Variants in NUP88 observed in about 807,000 individuals in gnomAD.
The protein encoded by NUP88 is nucleoporin 88, also known as nuclear pore complex protein Nup88.
A neutral mutation model predicts 93.9 loss-of-function variants in NUP88; 57 were observed. The ratio of observed to expected loss-of-function variants is 0.61; its 90% CI spans 0.49 to 0.76. NUP88 has a LOEUF of 0.76. NUP88 is among the 30% of genes least tolerant of loss of function. The probability of loss-of-function intolerance (pLI) is 0.00; values close to 1 mark genes in which losing one functional copy is unlikely to be tolerated. For missense variants in NUP88, 911 were observed against 901.0 expected (o/e 1.01, Z -0.14); for synonymous variants, 346 against 336.8 (o/e 1.03, Z -0.30).
rs72839504 is a variant in NUP88, at chr17:5,407,794, T to G, written c.857+939A>C. Among the ~76,000 whole-genome samples, 91 of 152,340 alleles carry G rather than the reference T, an allele frequency of 6.0e-4. 1 individual carries two copies. Among genetic ancestry groups the G allele is most frequent in the Non-Finnish European group, 1.0e-3 (68 of 68,014 alleles). ...CCCTTATCCAAACAGTAACTAAGTCTTATTTATCCTTCCTTTGTTGTTATC... is the reference window on the plus strand; with the variant it reads ...CCCTTATCCAAACAGTAACTAAGTCGTATTTATCCTTCCTTTGTTGTTATC... On this transcript the variant is annotated intron_variant, in intron 5 of 16. Transcript: ENST00000573584.
chr17:5,390,808 A>G (rs1321990342), intron 10 of NUP88, among the ~76,000 whole-genome samples: 2 of 152,028 alleles, frequency 1.3e-5, no homozygotes, highest in Admixed American at 6.6e-5. Flanking sequence ...GGCTTAAGCA[A>G]TCCTCTCACC....
intron 8 of NUP88, among the ~76,000 whole-genome samples, chr17:5,397,994 CCTCCCAGGT>C: frequency 6.6e-6 from 1 of 150,852 alleles, no homozygotes; most frequent in South Asian, 2.1e-4. Context: ...GCAGTCTCTA[CCTCCCAGGT>C]TCAAGCGATT....
chr17:5,390,563 G>A (rs1912350536), intron 10 of NUP88, among the ~76,000 whole-genome samples: 1 of 152,156 alleles, frequency 6.6e-6, no homozygotes, highest in Admixed American at 6.5e-5. Context: ...TGAAGCTCCA[G>A]TGACTTTTGT....
chr17:5,387,859 C>G lies in NUP88; in HGVS notation c.1689G>C (p.Gln563His), dbSNP rs780708577. ...DIAPPPEECL[Q>H]LLSRATQVFR... ...ACACCTGGGTGGCTCTGCTGAGGAG[C>G]TGAAGGCATTCTTCAGGAGGAGGGG... The change falls in exon 12 of 17, where the codon CAG becomes CAC. Residue 563 changes from glutamine (Q) to histidine (H), a missense_variant. Gln to His is a conservative substitution (Grantham distance 24). Transcript: ENST00000573584. 2 of 1,613,984 alleles carry G rather than the reference C, an allele frequency of 1.2e-6. No individual in the cohort carries two copies. The highest frequency in any genetic ancestry group is 2.2e-5 in the South Asian group (2 of 91,056).
At chr17:5,408,959 G>T in intron 4 of NUP88, 50 bp from the exon 5 acceptor site, 1 of 1,445,546 alleles carries the variant, frequency 6.9e-7, no homozygotes, top group East Asian at 2.5e-5. Context: ...ACAACAAAAA[G>T]TAAAAAGAAA....
chr17:5,416,766 G>T, intron 1 of NUP88, 84 bp from the exon 2 acceptor site: 2 of 979,162 alleles, frequency 2.0e-6, no homozygotes, highest in Non-Finnish European at 3.0e-6. Context: ...GTAATACTTA[G>T]TTTACTACAA....
In NUP88 at chr17:5,398,420, C is replaced by G. The variant is rs547951967; in HGVS notation, c.1291+1132G>C. The stretch of plus-strand genomic sequence containing the variant: ...TCTCCTGCCTCAGCCTCCAGAGTAG[C>G]AGGGATTATAGGCGCACACCACCAT... On this transcript the variant is annotated intron_variant, in intron 8 of 16. Coordinates refer to ENST00000573584, the MANE Select transcript of NUP88 (RefSeq NM_002532.6). 4.6e-5 allele frequency among the ~76,000 whole-genome samples: 7 copies of G among 151,960 alleles called. No homozygotes were observed. In the South Asian group the frequency reaches 1.5e-3, roughly 32 times the overall value.
chr17:5,393,812 G>A (rs1289666803), intron 9 of NUP88, among the ~76,000 whole-genome samples: 1 of 152,108 alleles, frequency 6.6e-6, no homozygotes, highest in Non-Finnish European at 1.5e-5. Context: ...GTGGTCCTCT[G>A]TATTGCCAAA....
chr17:5,394,260 T>C (rs141465758), intron 9 of NUP88, among the ~76,000 whole-genome samples: 10 of 152,258 alleles, frequency 6.6e-5, no homozygotes, highest in South Asian at 4.2e-4. Context: ...TTGTGAGCAT[T>C]ACTTATAAGC....
At chr17:5,415,799 C>G (rs935177421) in intron 2 of NUP88, among the ~76,000 whole-genome samples, 3 of 152,086 alleles carry the variant, frequency 2.0e-5, no homozygotes, top group African/African-American at 7.2e-5. Flanking sequence ...CATCTGTACT[C>G]TTTTCAGTAG....
chr17:5,390,710 T>C (rs1397546268), intron 10 of NUP88, among the ~76,000 whole-genome samples: 2 of 152,154 alleles, frequency 1.3e-5, no homozygotes, highest in African/African-American at 4.8e-5. Context: ...TTTTTTGTTT[T>C]TTTTTTTAAA....
chr17:5,414,545 A>C (rs1914026486), intron 2 of NUP88, among the ~76,000 whole-genome samples: 2 of 152,148 alleles, frequency 1.3e-5, no homozygotes, highest in African/African-American at 2.4e-5. Flanking sequence ...CTTCAGATTT[A>C]TTTCCCTGAA....
chr17:5,397,984 GCAGT>G, intron 8 of NUP88, among the ~76,000 whole-genome samples: 1 of 147,784 alleles, frequency 6.8e-6, no homozygotes, highest in South Asian at 2.2e-4. Flanking sequence ...CTCGAATACA[GCAGT>G]CTCTACCTCC....
chr17:5,406,911 T>C (rs1430999690), intron 5 of NUP88, among the ~76,000 whole-genome samples: 1 of 151,890 alleles, frequency 6.6e-6, no homozygotes, highest in East Asian at 1.9e-4. Context: ...TTTCGAAAAA[T>C]TTAAATCACA....
At chr17:5,415,267 G>C (rs1914071410) in intron 2 of NUP88, among the ~76,000 whole-genome samples, 2 of 152,018 alleles carry the variant, frequency 1.3e-5, no homozygotes, top group African/African-American at 2.4e-5. Context: ...TGATCCACCT[G>C]CCTCGGCCTC....
chr17:5,387,525 A>C (rs1912093689), intron 13 of NUP88, 59 bp from the exon 14 acceptor site: 3 of 1,595,500 alleles, frequency 1.9e-6, no homozygotes, highest in African/African-American at 2.7e-5. Flanking sequence ...GAAACCACCT[A>C]ATGTGGCTCA....
chr17:5,406,781 A>C (rs1325155320), intron 5 of NUP88, among the ~76,000 whole-genome samples: 2 of 152,074 alleles, frequency 1.3e-5, no homozygotes, highest in African/African-American at 2.4e-5. Context: ...AAAGAAAAGA[A>C]AAGAAAATCG....
chr17:5,408,654 C>A, intron 5 of NUP88, 79 bp downstream of exon 5: 1 of 1,094,732 alleles, frequency 9.1e-7, no homozygotes, highest in East Asian at 2.6e-5. Context: ...AAAAACATGG[C>A]TCCCAAGTCC....
At chr17:5,415,183 C>G (rs60691290) in intron 2 of NUP88, among the ~76,000 whole-genome samples, 65,462 of 150,670 alleles carry the variant, frequency 0.43, 14,898 homozygotes, top group East Asian at 0.83. Flanking sequence ...CCACACCCCA[C>G]TTATTTTTTG....
Sources: gnomAD v4.1 joint callset for allele counts (sites outside exome capture counted in the v4.1 genomes callset) on GRCh38, gnomAD v4.1.1 for gene constraint, MANE v1.5 for transcripts, NCBI Gene and HGNC (gene_info 2026-07-23, HGNC 2026-07-21) for gene names.